The following GRM3 variants were observed in gnomAD, a reference collection of about 807,000 sequenced individuals.
GRM3 encodes glutamate metabotropic receptor 3.
Under a neutral mutation model 70.5 loss-of-function variants are expected in GRM3, and 26 were observed. The ratio of observed to expected loss-of-function variants is 0.37; its 90% confidence interval spans 0.27 to 0.51. The LOEUF (loss-of-function observed/expected upper bound fraction) is 0.51, where lower values mean the gene tolerates loss of function less well. Ranked by LOEUF, GRM3 falls within the 20% of genes least tolerant of loss-of-function variation. The pLI is 0.93. For synonymous variants in GRM3, 443 were observed against 434.9 expected (o/e 1.02, Z -0.23); for missense variants, 859 against 1,123.8 (o/e 0.76, Z 3.37).
chr7:86,711,220 A>T (rs1353827575), intron 1 of GRM3, among the ~76,000 whole-genome samples: 2 of 151,798 alleles, frequency 1.3e-5, no homozygotes, highest in African/African-American at 4.8e-5. Context: ...GTTTTAGGGT[A>T]CATTTGTGAT....
At chr7:86,744,153 T>G (rs1796050376) in intron 1 of GRM3, among the ~76,000 whole-genome samples, 1 of 152,036 alleles carries the variant, frequency 6.6e-6, no homozygotes, top group Non-Finnish European at 1.5e-5. Flanking sequence ...ATTGCTCTCT[T>G]GTGCCTGACC....
At chr7:86,748,418 A>G (rs1338098524) in intron 1 of GRM3, among the ~76,000 whole-genome samples, 2 of 152,018 alleles carry the variant, frequency 1.3e-5, no homozygotes, top group Admixed American at 6.6e-5. Context: ...AACCAAGCAC[A>G]ATATGTTACA....
intron 2 of GRM3, among the ~76,000 whole-genome samples, chr7:86,777,191 C>G (rs1046163766): frequency 6.6e-6 from 1 of 152,140 alleles, no homozygotes; most frequent in African/African-American, 2.4e-5. Context: ...TTGTGGTCTG[C>G]ATATCACTTC....
intron 1 of GRM3, among the ~76,000 whole-genome samples, chr7:86,733,661 T>G (rs1445902686): frequency 6.6e-6 from 1 of 151,840 alleles, no homozygotes; most frequent in Non-Finnish European, 1.5e-5. Flanking sequence ...AAATAGGGAG[T>G]GTCAGGTTCT....
At chr7:86,734,342 T>C (rs1311781918) in intron 1 of GRM3, among the ~76,000 whole-genome samples, 1 of 152,180 alleles carries the variant, frequency 6.6e-6, no homozygotes, top group Non-Finnish European at 1.5e-5. Context: ...TTAGTTCCTT[T>C]TCTGGGAGAA....
intron 1 of GRM3, among the ~76,000 whole-genome samples, chr7:86,723,173 C>A (rs937783159): frequency 1.3e-5 from 2 of 151,952 alleles, no homozygotes; most frequent in African/African-American, 4.8e-5. Context: ...CCCTTATTCT[C>A]CATATGGGCA....
rs1377841091 is a variant in GRM3, at chr7:86,835,607, C to T, written c.1325-3232C>T. Among the ~76,000 whole-genome samples, 5 of 152,070 alleles carry T rather than the reference C, an allele frequency of 3.3e-5. 1 individual carries two copies. Among genetic ancestry groups the T allele is most frequent in the African/African-American group, 1.2e-4 (5 of 41,484 alleles). ...GCATTTAATATGTTCAGTTTATATA[C>T]AGCTCTTACTTTTTTAATTTTGAGA... is the stretch of plus-strand genomic sequence containing the variant. On this transcript the variant is annotated intron_variant, in intron 3 of 5. Coordinates refer to ENST00000361669, the MANE Select transcript of GRM3 (RefSeq NM_000840.3).
At chr7:86,733,102 C>T (rs996743918) in intron 1 of GRM3, among the ~76,000 whole-genome samples, 6 of 151,976 alleles carry the variant, frequency 3.9e-5, no homozygotes, top group African/African-American at 1.4e-4. Flanking sequence ...ATCACGAGGT[C>T]AGGAGATCGA....
chr7:86,762,413 G>A (rs1257986117), intron 1 of GRM3, among the ~76,000 whole-genome samples: 2 of 152,048 alleles, frequency 1.3e-5, no homozygotes, highest in African/African-American at 2.4e-5. Context: ...GCATGTGAAA[G>A]GAACAGAAAG....
At chr7:86,835,880 G>A (rs1293888677) in intron 3 of GRM3, among the ~76,000 whole-genome samples, 5 of 152,064 alleles carry the variant, frequency 3.3e-5, no homozygotes, top group African/African-American at 1.2e-4. Flanking sequence ...CCAAAATGCT[G>A]GGATAACAGA....
At chr7:86,833,662 G>A (rs745729028) in intron 3 of GRM3, among the ~76,000 whole-genome samples, 4 of 152,090 alleles carry the variant, frequency 2.6e-5, no homozygotes, top group East Asian at 1.9e-4. Context: ...CGAAATAACC[G>A]TTCAAGGACA....
intron 1 of GRM3, among the ~76,000 whole-genome samples, chr7:86,697,948 G>C (rs1327037337): frequency 1.3e-5 from 2 of 151,840 alleles, no homozygotes; most frequent in Non-Finnish European, 1.5e-5. Context: ...AATCCTATGG[G>C]GTAATATTTT....
chr7:86,666,295 A>C (rs963058671), intron 1 of GRM3, among the ~76,000 whole-genome samples: 1 of 152,070 alleles, frequency 6.6e-6, no homozygotes, highest in Non-Finnish European at 1.5e-5. Flanking sequence ...GCTTACTTAC[A>C]GAAGCAAATG....
chr7:86,692,656 G>T (rs187332623), intron 1 of GRM3, among the ~76,000 whole-genome samples: 2 of 151,984 alleles, frequency 1.3e-5, no homozygotes, highest in Non-Finnish European at 2.9e-5. Flanking sequence ...TCTTTTATTA[G>T]AATATTAAGG....
intron 1 of GRM3, among the ~76,000 whole-genome samples, chr7:86,706,349 G>T (rs912354037): frequency 4.6e-5 from 7 of 152,040 alleles, no homozygotes; most frequent in Non-Finnish European, 1.0e-4. Context: ...TATGATAAAA[G>T]ATGCTAAATT....
chr7:86,682,780 C>A (rs191117733), intron 1 of GRM3, among the ~76,000 whole-genome samples: 5 of 152,190 alleles, frequency 3.3e-5, no homozygotes, highest in Non-Finnish European at 1.5e-5. Context: ...ATGAGCTAGT[C>A]ATTATGGTTC....
chr7:86,662,201 A>G, intron 1 of GRM3, among the ~76,000 whole-genome samples: 1 of 151,880 alleles, frequency 6.6e-6, no homozygotes, highest in East Asian at 1.9e-4. Context: ...TGCTTTGAAA[A>G]CACCTCATTA....
chr7:86,840,697 TA>T (rs1426517287), intron 4 of GRM3, among the ~76,000 whole-genome samples: 1 of 152,132 alleles, frequency 6.6e-6, no homozygotes, highest in African/African-American at 2.4e-5. Context: ...TGAGTGAGTA[TA>T]AGAATGTTTC....
chr7:86,666,604 A>G (rs1794033255), intron 1 of GRM3, among the ~76,000 whole-genome samples: 1 of 152,058 alleles, frequency 6.6e-6, no homozygotes, highest in African/African-American at 2.4e-5. Context: ...TTCATTATTC[A>G]GATTCTCCAA....
Sources: allele counts gnomAD v4.1 joint callset (sites outside exome capture counted in the v4.1 genomes callset), GRCh38; gene constraint gnomAD v4.1.1; transcripts MANE v1.5; gene names NCBI Gene and HGNC (gene_info 2026-07-23, HGNC 2026-07-21).